BSG: variants seen among roughly 807,000 people sequenced by gnomAD.
BSG encodes the protein basigin.
A neutral mutation model predicts 43.1 loss-of-function variants in BSG; 37 were observed. That is an observed-to-expected ratio of 0.86 (90% CI 0.66 to 1.13). The LOEUF is 1.13. BSG is among the 50% of genes most tolerant of loss of function. The probability of loss-of-function intolerance (pLI) is 0.00; values close to 1 mark genes in which losing one functional copy is unlikely to be tolerated. For synonymous variants in BSG, 309 were observed against 238.7 expected (o/e 1.29, Z -2.72); for missense variants, 599 against 554.2 (o/e 1.08, Z -0.81).
intron 1 of BSG, 108 bp from the exon 2 acceptor site, chr19:577,666 C>T: frequency 1.1e-6 from 1 of 951,046 alleles, no homozygotes; most frequent in Non-Finnish European, 1.4e-6. Context: ...AAGGAAGTGG[C>T]TTCTCCACCA....
intron 1 of BSG, 28 bp from the exon 2 acceptor site, chr19:577,746 C>G: frequency 7.3e-7 from 1 of 1,361,760 alleles, no homozygotes; most frequent in Non-Finnish European, 9.5e-7. Context: ...CAGGCACTAA[C>G]AAGACCCCAC....
At position 577,784 on chromosome 19, in the gene BSG, C is replaced by A. The variant is rs1378037644; in HGVS notation, c.78C>A (p.Val26=). ...GTGCTCTCCCCACAGCCGGCTTCGT[C>A]CAGGCGCCGCTGTCCCAGCAGAGGT... ...THGASGAAGF[V]QAPLSQQRWV... Residue 26 remains valine (V), a synonymous_variant, in exon 2 of 9, where the codon GTC becomes GTA. Transcript: ENST00000333511. 1 of 1,420,364 alleles carries A rather than the reference C, an allele frequency of 7.0e-7. No homozygotes were observed. The highest frequency in any genetic ancestry group is 9.2e-7 in the Non-Finnish European group (1 of 1,083,522). 88.0% of individuals were successfully genotyped at this position (1,420,364 alleles called of 1,614,324 possible).
rs539842435 is a variant in BSG, at chr19:578,268, C to T, written c.415+147C>T. ...GGGCCCACCGCCTGGACGGAGGGGCCCGGACCTGAAGGGGGTGGGCTCGCC... is the reference window on the plus strand; with the variant it reads ...GGGCCCACCGCCTGGACGGAGGGGCTCGGACCTGAAGGGGGTGGGCTCGCC... On this transcript the variant is annotated intron_variant, in intron 2 of 8. Coordinates refer to ENST00000333511, the MANE Select transcript of BSG (RefSeq NM_001728.4). 5.7e-3 allele frequency: 4,955 copies of T among 869,652 alleles called. 26 individuals carry two copies. Among genetic ancestry groups the T allele is most frequent in the Non-Finnish European group, 7.2e-3 (4,417 of 611,254 alleles). 53.9% of individuals were successfully genotyped at this position (869,652 alleles called of 1,614,324 possible).
At chr19:580,029 G>A (rs1285571490) in intron 3 of BSG, 8 of 410,218 alleles carry the variant, frequency 2.0e-5, no homozygotes, top group Non-Finnish European at 2.2e-5. Flanking sequence ...TGTCATGGCC[G>A]GAGCTTTGTC....
chr19:572,549 G>C (rs923523257), upstream of BSG: 3 of 1,357,260 alleles, frequency 2.2e-6, no homozygotes, highest in Admixed American at 6.2e-5. Flanking sequence ...GCGCGCGCCC[G>C]GTCCGCGCCT....
Position 577,802 on chromosome 19 carries a change from G to T in BSG, c.96G>T (p.Gln32His). The T allele has an allele frequency of 6.9e-7, 1 of 1,446,962 alleles. No homozygotes were observed. Among genetic ancestry groups the T allele is most frequent in the South Asian group, 1.5e-5 (1 of 67,172 alleles). 89.6% of individuals were successfully genotyped at this position (1,446,962 alleles called of 1,614,324 possible). Residue 32 changes from glutamine (Q) to histidine (H), a missense_variant, in exon 2 of 9, where the codon CAG (glutamine) becomes CAT (histidine). Transcript: ENST00000333511. ...AAGFVQAPLS[Q>H]QRWVGGSVEL... ...GCTTCGTCCAGGCGCCGCTGTCCCAGCAGAGGTGGGTGGGGGGCAGTGTGG... is the reference window on the plus strand; with the variant it reads ...GCTTCGTCCAGGCGCCGCTGTCCCATCAGAGGTGGGTGGGGGGCAGTGTGG...
Position 579,543 on chromosome 19 carries a change from A to G in BSG, c.459A>G (p.Ile153Met), listed in dbSNP as rs375081858. 8.1e-6 allele frequency: 13 copies of G among 1,612,140 alleles called. No homozygotes were observed. Among genetic ancestry groups the G allele is most frequent in the Non-Finnish European group, 1.7e-6 (2 of 1,179,754 alleles). The change falls in exon 3 of 9, where the codon ATA becomes ATG. Residue 153 changes from isoleucine to methionine, a missense_variant. By Grantham distance (10) the Ile-to-Met change is conservative. Coordinates refer to ENST00000333511, the MANE Select transcript of BSG (RefSeq NM_001728.4). ...FTTVEDLGSK[I>M]LLTCSLNDSA... ...CCGTAGAAGACCTTGGCTCCAAGAT[A>G]CTCCTCACCTGCTCCTTGAATGACA...
At chr19:574,802 C>T (rs1032285395) in intron 1 of BSG, among the ~76,000 whole-genome samples, 1 of 152,210 alleles carries the variant, frequency 6.6e-6, no homozygotes, top group Non-Finnish European at 1.5e-5. Flanking sequence ...TCGAATGTCT[C>T]CTGGGCAAGG....
At chr19:582,727 T>C (rs1461343736) in intron 8 of BSG, 23 bp from the exon 9 acceptor site, 1 of 858,712 alleles carries the variant, frequency 1.2e-6, no homozygotes, top group Non-Finnish European at 1.8e-6. Flanking sequence ...GGGTCCAGTC[T>C]GAGCGCCCCT....
intron 2 of BSG, 110 bp from the exon 3 acceptor site, chr19:579,390 G>A: frequency 1.4e-6 from 2 of 1,463,078 alleles, no homozygotes; most frequent in Non-Finnish European, 1.9e-6. Flanking sequence ...TGTATTTTTG[G>A]GATGAAAACC....
chr19:582,284 C>T (rs1371886844), intron 6 of BSG, 22 bp from the exon 7 acceptor site: 3 of 1,604,830 alleles, frequency 1.9e-6, no homozygotes, highest in East Asian at 4.5e-5. Flanking sequence ...TCCTCTTTTT[C>T]ATGGCGGCGG....
At position 579,545 on chromosome 19, in the gene BSG, T is replaced by C; in HGVS notation, c.461T>C (p.Leu154Pro). ...GTAGAAGACCTTGGCTCCAAGATAC[T>C]CCTCACCTGCTCCTTGAATGACAGC... ...TTVEDLGSKI[L>P]LTCSLNDSAT... Residue 154 changes from leucine (L) to proline (P), a missense_variant, in exon 3 of 9, where the codon CTC becomes CCC. Coordinates refer to ENST00000333511, the MANE Select transcript of BSG (RefSeq NM_001728.4). 6.2e-7 allele frequency: 1 copy of C among 1,612,710 alleles called. No homozygotes were observed. The highest frequency in any genetic ancestry group is 8.5e-7 in the Non-Finnish European group (1 of 1,179,920).
chr19:572,538 T>G (rs940864699), upstream of BSG: 11 of 1,308,884 alleles, frequency 8.4e-6, no homozygotes, highest in Non-Finnish European at 1.1e-5. Context: ...ACGCCGTGCG[T>G]GCGCGCGCCC....
chr19:571,374 C>T, upstream of BSG: 3 of 612,306 alleles, frequency 4.9e-6, 1 homozygote, highest in South Asian at 3.8e-5. Flanking sequence ...GTTTAACTTC[C>T]AACACACACT....
In BSG at chr19:577,868, C is replaced by T. The variant is rs761283361; in HGVS notation, c.162C>T (p.Ile54=). Residue 54 remains isoleucine, a synonymous_variant, in exon 2 of 9, where the codon ATC becomes ATT. Coordinates refer to ENST00000333511, the MANE Select transcript of BSG (RefSeq NM_001728.4). ...CCGTGGGCAGCCCGGTGCCCGAGATCCAGTGGTGGTTTGAAGGGCAGGGTC... is the reference window on the plus strand; with the variant it reads ...CCGTGGGCAGCCCGGTGCCCGAGATTCAGTGGTGGTTTGAAGGGCAGGGTC... ...CEAVGSPVPE[I]QWWFEGQGPN... 2.6e-6 allele frequency: 4 copies of T among 1,566,974 alleles called. No individual in the cohort carries two copies. Among genetic ancestry groups the T allele is most frequent in the Non-Finnish European group, 3.5e-6 (4 of 1,151,104 alleles).
At chr19:579,037 C>T (rs1297930970) in intron 2 of BSG, 4 of 456,710 alleles carry the variant, frequency 8.8e-6, no homozygotes, top group African/African-American at 2.0e-5. Flanking sequence ...GCCACCACCG[C>T]GCCCAGCTGG....
At position 581,386 on chromosome 19, in the gene BSG, G is replaced by A. The variant is rs767640697; in HGVS notation, c.864G>A (p.Glu288=). ...AGGGCCGGTCAGAGCTACACATTGAGAACCTGAACATGGAGGCCGACCCCG... is the reference window on the plus strand; with the variant it reads ...AGGGCCGGTCAGAGCTACACATTGAAAACCTGAACATGGAGGCCGACCCCG... The part of the protein sequence containing the change: ...SSQGRSELHI[E]NLNMEADPGQ... Residue 288 remains glutamate, a synonymous_variant, in exon 6 of 9, where the codon GAG becomes GAA. Transcript: ENST00000333511. The A allele has an allele frequency of 6.2e-7, 1 of 1,612,840 alleles. No individual in the cohort carries two copies. Among genetic ancestry groups the A allele is most frequent in the Non-Finnish European group, 8.5e-7 (1 of 1,179,966 alleles).
At chr19:580,291 T>G in intron 3 of BSG, 88 bp from the exon 4 acceptor site, 1 of 1,228,324 alleles carries the variant, frequency 8.1e-7, no homozygotes, top group Non-Finnish European at 1.2e-6. Context: ...TTTTTCACTG[T>G]GCCGTGGTTG....
intron 1 of BSG, among the ~76,000 whole-genome samples, chr19:575,815 C>T (rs943242798): frequency 3.3e-5 from 5 of 152,026 alleles, no homozygotes; most frequent in African/African-American, 1.2e-4. Context: ...GAGGGTCAGG[C>T]GCCGTCCCTC....
Sources: allele counts gnomAD v4.1 joint callset (sites outside exome capture counted in the v4.1 genomes callset), GRCh38; gene constraint gnomAD v4.1.1; transcripts MANE v1.5; gene names NCBI Gene and HGNC (gene_info 2026-07-23, HGNC 2026-07-21).